The following ANO2 variants were observed in gnomAD, a reference collection of about 807,000 sequenced individuals.
ANO2 encodes anoctamin-2.
Under a neutral mutation model 124.2 loss-of-function variants are expected in ANO2, and 101 were observed. The ratio of observed to expected loss-of-function variants is 0.81; its 90% CI spans 0.69 to 0.96. The LOEUF (loss-of-function observed/expected upper bound fraction) is 0.96, where lower values mean the gene tolerates loss of function less well. Ranked by LOEUF, ANO2 falls within the 40% of genes least tolerant of loss-of-function variation. The pLI is 0.00. For synonymous variants in ANO2, 486 were observed against 482.5 expected (o/e 1.01, Z -0.09); for missense variants, 1,293 against 1,274.5 (o/e 1.01, Z -0.22).
At position 5,802,815 on chromosome 12, in the gene ANO2, T is replaced by C. The variant is rs572654507; in HGVS notation, c.990+3237A>G. On this transcript the variant is annotated intron_variant, in intron 9 of 24. Coordinates refer to ENST00000682330, the MANE Select transcript of ANO2 (RefSeq NM_001364791.2). ...TAAACCAGGGAGAGACTACTGCTCC[T>C]TCTTAATGGACAGTGCCTGATTCCA... 2.0e-5 allele frequency among the ~76,000 whole-genome samples: 3 copies of C among 152,360 alleles called. No homozygotes were observed. In the East Asian group the frequency reaches 5.8e-4, roughly 29 times the overall value.
At chr12:5,815,214 G>C (rs1953566209) in intron 7 of ANO2, among the ~76,000 whole-genome samples, 1 of 152,136 alleles carries the variant, frequency 6.6e-6, no homozygotes, top group Non-Finnish European at 1.5e-5. Flanking sequence ...CTCCTGCCAT[G>C]CATTTTACAC....
chr12:5,604,447 A>G (rs1944110254), intron 19 of ANO2, among the ~76,000 whole-genome samples: 1 of 152,212 alleles, frequency 6.6e-6, no homozygotes, highest in African/African-American at 2.4e-5. Flanking sequence ...GAGCGGCGGA[A>G]GCCCTAGGAA....
At chr12:5,922,581 C>A in intron 2 of ANO2, 39 bp downstream of exon 2, 1 of 1,504,502 alleles carries the variant, frequency 6.6e-7, no homozygotes. Flanking sequence ...TGCAACAGGG[C>A]TGGCCTATCC....
intron 14 of ANO2, among the ~76,000 whole-genome samples, chr12:5,666,074 C>A (rs1947699871): frequency 6.6e-6 from 1 of 152,058 alleles, no homozygotes; most frequent in Non-Finnish European, 1.5e-5. Context: ...CAAAGGGTAA[C>A]CAGGGCCCTC....
At chr12:5,853,868 C>A (rs1954999684) in intron 4 of ANO2, among the ~76,000 whole-genome samples, 175 bp downstream of exon 4, 1 of 145,290 alleles carries the variant, frequency 6.9e-6, no homozygotes, top group African/African-American at 2.6e-5. Flanking sequence ...CCAACTCTTC[C>A]CCGTCCCCGT....
intron 7 of ANO2, among the ~76,000 whole-genome samples, chr12:5,815,350 G>A (rs1190765626): frequency 6.6e-6 from 1 of 152,142 alleles, no homozygotes; most frequent in African/African-American, 2.4e-5. Flanking sequence ...GAGCAGTGTG[G>A]GGCAAACAAT....
At chr12:5,665,228 AT>A (rs1277318821) in intron 14 of ANO2, among the ~76,000 whole-genome samples, 1 of 152,080 alleles carries the variant, frequency 6.6e-6, no homozygotes, top group Non-Finnish European at 1.5e-5. Context: ...CCCTTAAGAG[AT>A]GGCTGCTGCC....
At chr12:5,610,983 T>TTTTTTTTTTGTTTTTTTTTTG (rs1555100751) in intron 19 of ANO2, among the ~76,000 whole-genome samples, 1 of 121,656 alleles carries the variant, frequency 8.2e-6, no homozygotes, top group Non-Finnish European at 1.8e-5. Flanking sequence ...TTTTTTTTTT[T>TTTTTTTTTTGTTTTTTTTTTG]TTTTTTGAGA....
At chr12:5,584,135 C>CA (rs1555088550) in intron 20 of ANO2, 4 of 164,556 alleles carry the variant, frequency 2.4e-5, no homozygotes, top group Admixed American at 6.7e-5. Context: ...ATGAACACCC[C>CA]CCCCCCGCCG....
At chr12:5,852,552 G>C (rs1010451159) in intron 4 of ANO2, among the ~76,000 whole-genome samples, 3 of 152,120 alleles carry the variant, frequency 2.0e-5, no homozygotes, top group Non-Finnish European at 2.9e-5. Flanking sequence ...ATTCATGATG[G>C]TATCAGTCAT....
chr12:5,665,990 C>T (rs539178934), intron 14 of ANO2, among the ~76,000 whole-genome samples: 1 of 152,126 alleles, frequency 6.6e-6, no homozygotes, highest in South Asian at 2.1e-4. Flanking sequence ...ACTTAGTGAA[C>T]AAAATGCACA....
In ANO2 at chr12:5,914,770, T is replaced by C. The variant is rs1039527034; in HGVS notation, c.534+6270A>G. Among the ~76,000 whole-genome samples the C allele has an allele frequency of 2.0e-5, 3 of 152,340 alleles. No individual in the cohort carries two copies. The East Asian group carries it at 5.8e-4, about 29-fold the overall frequency. ...CCATGTCTGCTAGGATTTCAGGGCC[T>C]GCAAGGTGAGAGGTCTTTAGCTAAA... On this transcript the variant is annotated intron_variant, in intron 3 of 24. Coordinates refer to ENST00000682330, the MANE Select transcript of ANO2 (RefSeq NM_001364791.2).
rs1309921851 is a variant in ANO2 at position 5,807,188 on chromosome 12, T to C, written c.948+125A>G. On this transcript the variant is annotated intron_variant, in intron 8 of 24. Coordinates refer to ENST00000682330, the MANE Select transcript of ANO2 (RefSeq NM_001364791.2). ...GAGTGGTCCAGGGTCAGTCAAGGTA[T>C]TTTAATGTCATGATTCACTCCTGCC... 1.0e-5 allele frequency: 8 copies of C among 797,348 alleles called. No homozygotes were observed. In the African/African-American group the frequency reaches 1.3e-4, roughly 12 times the overall value. The allele number at this position is 797,348 out of a possible 1,614,324, so 49.4% of individuals were successfully genotyped here. A position where few individuals can be genotyped will look rare whatever the true frequency, so the allele number is the denominator to read the frequency against.
intron 10 of ANO2, among the ~76,000 whole-genome samples, chr12:5,760,996 C>T (rs1451681334): frequency 2.7e-5 from 4 of 149,734 alleles, no homozygotes; most frequent in Admixed American, 1.3e-4. Context: ...CTCTTACTTC[C>T]GTGGGGCTCT....
At chr12:5,761,470 T>C (rs1031079233) in intron 10 of ANO2, among the ~76,000 whole-genome samples, 3 of 152,304 alleles carry the variant, frequency 2.0e-5, no homozygotes, top group Middle Eastern at 6.8e-3. Context: ...AACCTTAACT[T>C]ATCCCATGTG....
At chr12:5,803,228 T>C (rs1027598387) in intron 9 of ANO2, among the ~76,000 whole-genome samples, 1 of 152,114 alleles carries the variant, frequency 6.6e-6, no homozygotes, top group East Asian at 1.9e-4. Flanking sequence ...TATTCGAACA[T>C]TTTAGCCAGT....
At chr12:5,812,820 AAGGG>A (rs1953468455) in intron 7 of ANO2, among the ~76,000 whole-genome samples, 1 of 144,496 alleles carries the variant, frequency 6.9e-6, no homozygotes, top group African/African-American at 2.7e-5. Flanking sequence ...GGAAGGAAGG[AAGGG>A]AGGAAGGAAA....
At chr12:5,844,748 A>G (rs1954625934) in intron 4 of ANO2, among the ~76,000 whole-genome samples, 1 of 152,118 alleles carries the variant, frequency 6.6e-6, no homozygotes, top group South Asian at 2.1e-4. Flanking sequence ...TCCCCAGAGT[A>G]TGTTCTGCAG....
intron 10 of ANO2, among the ~76,000 whole-genome samples, chr12:5,775,300 A>AG (rs1952199153): frequency 2.6e-5 from 4 of 152,008 alleles, no homozygotes; most frequent in Admixed American, 2.0e-4. Flanking sequence ...GAGAGAGAGA[A>AG]AAATTCTACA....
Sources: gnomAD v4.1 joint callset for allele counts (sites outside exome capture counted in the v4.1 genomes callset) on GRCh38, gnomAD v4.1.1 for gene constraint, MANE v1.5 for transcripts, NCBI Gene and HGNC (gene_info 2026-07-23, HGNC 2026-07-21) for gene names.